Variants in AEBP1 observed in about 807,000 individuals in gnomAD.
The protein encoded by AEBP1 is AE binding protein 1.
A neutral mutation model predicts 116.5 loss-of-function variants in AEBP1; 69 were observed. The observed-to-expected ratio is 0.59, with a 90% confidence interval of 0.49 to 0.72. The LOEUF is 0.72. Among genes scored for constraint, AEBP1 ranks in the 30% least tolerant of loss-of-function variants. The pLI is 0.00. For missense variants in AEBP1, 1,444 were observed against 1,557.5 expected (o/e 0.93, Z 1.23); for synonymous variants, 627 against 627.3 (o/e 1.00, Z 0.01).
rs766779701 is a variant in AEBP1 at position 44,110,278 on chromosome 7, A to T, written c.1332A>T (p.Ile444=). 6.2e-7 allele frequency: 1 copy of T among 1,613,612 alleles called. No homozygotes were observed. Among genetic ancestry groups the T allele is most frequent in the African/African-American group, 1.3e-5 (1 of 74,924 alleles). Reference sequence around the variant, plus strand: ...AGGACGATGCCAGGACCCAGTGGATAGAGGTGGACACCAGGAGGACTACCC... The same window carrying T: ...AGGACGATGCCAGGACCCAGTGGATTGAGGTGGACACCAGGAGGACTACCC... The part of the protein sequence containing the change: ...CAEDDARTQW[I]EVDTRRTTRF... The change falls in exon 11 of 21, where the codon ATA becomes ATT. Residue 444 remains isoleucine (I), a synonymous_variant. Transcript: ENST00000223357.
At position 44,111,433 on chromosome 7, in the gene AEBP1, C is replaced by T. The variant is rs1308831824; in HGVS notation, c.1717-74C>T. On this transcript the variant is annotated intron_variant, in intron 14 of 20. Coordinates refer to ENST00000223357, the MANE Select transcript of AEBP1 (RefSeq NM_001129.5). This position sits in a 1 kb window ranked among gnomAD's most constrained non-coding sequence, Gnocchi z 4.7. ...CCCGTCCCTCGCCATAGAGCAGGCC[C>T]TGGAAGTGGAAGGGGCATGGTCAGC... 9 of 1,508,552 alleles carry T rather than the reference C, an allele frequency of 6.0e-6. No individual in the cohort carries two copies. The South Asian group carries it at 6.6e-5, about 11-fold the overall frequency. The allele number at this position is 1,508,552 out of a possible 1,614,324, so 93.4% of individuals were successfully genotyped here.
chr7:44,112,534 C>A lies in AEBP1; in HGVS notation c.2218-24C>A, dbSNP rs1433982712. The A allele has an allele frequency of 1.9e-6, 3 of 1,551,004 alleles. No homozygotes were observed. In the African/African-American group the frequency reaches 4.1e-5, roughly 21 times the overall value. On this transcript the variant is annotated intron_variant, in intron 17 of 20. Transcript: ENST00000223357. The surrounding 1 kb of genome is among the most constrained non-coding windows in gnomAD (Gnocchi z 6.6). ...ATAGTGGCCGGAGCTGCAGCCCTGGCCTCACACGTGCTGGCCACTCCAGGT... is the reference window on the plus strand; with the variant it reads ...ATAGTGGCCGGAGCTGCAGCCCTGGACTCACACGTGCTGGCCACTCCAGGT...
Position 44,107,905 on chromosome 7 carries a change from C to G in AEBP1, c.836C>G (p.Pro279Arg), listed in dbSNP as rs752164012. Reference sequence around the variant, plus strand: ...CCAGAGCCCCCTGAGGAGAAGGCCCCGGCCCCAGCCCCGGAGGAGAGGATT... The same window carrying G: ...CCAGAGCCCCCTGAGGAGAAGGCCCGGGCCCCAGCCCCGGAGGAGAGGATT... ...VWPEPPEEKAPAPAPEERIEP... is the reference protein window; with the variant it reads ...VWPEPPEEKARAPAPEERIEP... The change falls in exon 5 of 21, where the codon CCG (proline) becomes CGG (arginine). Residue 279 changes from proline to arginine, a missense_variant. Coordinates refer to ENST00000223357, the MANE Select transcript of AEBP1 (RefSeq NM_001129.5). This position sits in a 1 kb window ranked among gnomAD's most constrained non-coding sequence, Gnocchi z 4.3. 3 of 1,593,640 alleles carry G rather than the reference C, an allele frequency of 1.9e-6. No individual in the cohort carries two copies. In the African/African-American group the frequency reaches 4.0e-5, roughly 21 times the overall value.
chr7:44,114,105 CGAGTTTGAGACCCAGTTGGAGCCT>C lies in AEBP1; in HGVS notation c.3337_3360del (p.Thr1119_Glu1126del), dbSNP rs771678578. 7.4e-6 allele frequency: 12 copies of C among 1,613,618 alleles called. No homozygotes were observed. The highest frequency in any genetic ancestry group is 4.5e-5 in the East Asian group (2 of 44,892). On this transcript the variant is annotated inframe_deletion, in exon 21 of 21. Coordinates refer to ENST00000223357, the MANE Select transcript of AEBP1 (RefSeq NM_001129.5). ...CCGAGTTTGGGACCAAGGTGGAGCC[CGAGTTTGAGACCCAGTTGGAGCCT>C]GAGTTTGAGACCCAGCTGGAACCCG...
At chr7:44,110,848 G>T in intron 12 of AEBP1, 39 bp downstream of exon 12, 2 of 1,609,590 alleles carry the variant, frequency 1.2e-6, no homozygotes, top group Non-Finnish European at 1.7e-6. Context: ...TGCTCCCATT[G>T]TCTGGGCGAG....
At position 44,107,714 on chromosome 7, in the gene AEBP1, T is replaced by C; in HGVS notation, c.739+14T>C. The C allele has an allele frequency of 1.2e-6, 2 of 1,613,380 alleles. No homozygotes were observed. Among genetic ancestry groups the C allele is most frequent in the Non-Finnish European group, 1.7e-6 (2 of 1,179,914 alleles). On this transcript the variant is annotated intron_variant, in intron 4 of 20. Coordinates refer to ENST00000223357, the MANE Select transcript of AEBP1 (RefSeq NM_001129.5). The surrounding 1 kb of genome is among the most constrained non-coding windows in gnomAD (Gnocchi z 4.3). ...ACTATGAGGACTGTGAGTAGGGTCC[T>C]GCCAGCCCCACCTGGGTCGGACCCC...
chr7:44,109,926 C>A, intron 9 of AEBP1, 89 bp from the exon 10 acceptor site: 1 of 1,212,432 alleles, frequency 8.2e-7, no homozygotes, highest in Non-Finnish European at 1.2e-6. Flanking sequence ...CCCGATGTGC[C>A]GGGAGTGGGC....
chr7:44,111,245 G>A lies in AEBP1; in HGVS notation c.1716+6G>A. On this transcript the variant is annotated splice_donor_region_variant and intron_variant, in intron 14 of 20. Coordinates refer to ENST00000223357, the MANE Select transcript of AEBP1 (RefSeq NM_001129.5). The surrounding 1 kb of genome is among the most constrained non-coding windows in gnomAD (Gnocchi z 4.7). ...GCTACAAGGACATGCGCCAGGTTGG[G>A]AGCATATATCCTGGGGCTGGGGGTG... is the stretch of plus-strand genomic sequence containing the variant. 3 of 1,512,630 alleles carry A rather than the reference G, an allele frequency of 2.0e-6. No homozygotes were observed. The highest frequency in any genetic ancestry group is 2.7e-6 in the Non-Finnish European group (3 of 1,130,702). 93.7% of individuals were successfully genotyped at this position (1,512,630 alleles called of 1,614,324 possible). A position where few individuals can be genotyped will look rare whatever the true frequency, so the allele number is the denominator to read the frequency against.
rs759504950 is a variant in AEBP1, at chr7:44,107,803, C to T, written c.740-6C>T. 1 of 1,612,210 alleles carries T rather than the reference C, an allele frequency of 6.2e-7. No individual in the cohort carries two copies. Among genetic ancestry groups the T allele is most frequent in the Non-Finnish European group, 8.5e-7 (1 of 1,179,626 alleles). On this transcript the variant is annotated splice_polypyrimidine_tract_variant and splice_region_variant and intron_variant, in intron 4 of 20. Transcript: ENST00000223357. The surrounding 1 kb of genome is among the most constrained non-coding windows in gnomAD (Gnocchi z 4.3). Reference sequence around the variant, plus strand: ...GGGCCCCACTCTGAGCCAGCCTCCCCCTCAGTTGAGTACATTCGGCGCCAG... The same window carrying T: ...GGGCCCCACTCTGAGCCAGCCTCCCTCTCAGTTGAGTACATTCGGCGCCAG...
intron 9 of AEBP1, 139 bp downstream of exon 9, chr7:44,109,480 G>T (rs1315274013): frequency 9.1e-7 from 1 of 1,102,706 alleles, no homozygotes; most frequent in East Asian, 2.6e-5. Context: ...CAGAAGGGAG[G>T]GGCCCCGGGA....
At position 44,111,859 on chromosome 7, in the gene AEBP1, C is replaced by A. The variant is rs778687893; in HGVS notation, c.1846C>A (p.Pro616Thr). The A allele has an allele frequency of 6.2e-7, 1 of 1,612,370 alleles. No individual in the cohort carries two copies. The highest frequency in any genetic ancestry group is 8.5e-7 in the Non-Finnish European group (1 of 1,179,438). The change falls in exon 16 of 21, where the codon CCC (proline) becomes ACC (threonine). Residue 616 changes from proline to threonine, a missense_variant. Pro to Thr is a conservative substitution (Grantham distance 38, BLOSUM62 -1). Coordinates refer to ENST00000223357, the MANE Select transcript of AEBP1 (RefSeq NM_001129.5). This position sits in a 1 kb window ranked among gnomAD's most constrained non-coding sequence, Gnocchi z 4.7. ...TGAGGCTCCCGCCCTTGCAGGGGAG[C>A]CCGAGTTCCGCTACACTGCTGGGAT... is the stretch of plus-strand genomic sequence containing the variant. The part of the protein sequence containing the change: ...DNPGEHELGE[P>T]EFRYTAGIHG...
In AEBP1 at chr7:44,104,405, T is replaced by G; in HGVS notation, c.-261T>G. On this transcript the variant is annotated 5_prime_UTR_variant, in exon 1 of 21. Coordinates refer to ENST00000223357, the MANE Select transcript of AEBP1 (RefSeq NM_001129.5). ...GCGCCACGCGGGGCCGGAGCGCCTA[T>G]TAGCCGCCAGGACCTCGGAGCGCCC... The G allele has an allele frequency of 9.2e-6, 3 of 326,088 alleles. No homozygotes were observed. Among genetic ancestry groups the G allele is most frequent in the African/African-American group, 2.2e-5 (1 of 45,976 alleles). 20.2% of individuals were successfully genotyped at this position (326,088 alleles called of 1,614,324 possible). A position where few individuals can be genotyped will look rare whatever the true frequency, so the allele number is the denominator to read the frequency against.
rs888985325 is a variant in AEBP1 at position 44,108,990 on chromosome 7, A to G, written c.1018+14A>G. 2 of 1,605,590 alleles carry G rather than the reference A, an allele frequency of 1.2e-6. No homozygotes were observed. The highest frequency in any genetic ancestry group is 8.5e-7 in the Non-Finnish European group (1 of 1,176,582). Reference sequence around the variant, plus strand: ...AGGAGGAGCTGAGTGAGTGGGACCAAGGACTTCCCACACCAGGCCTGCCCT... The same window carrying G: ...AGGAGGAGCTGAGTGAGTGGGACCAGGGACTTCCCACACCAGGCCTGCCCT... On this transcript the variant is annotated intron_variant, in intron 7 of 20. Transcript: ENST00000223357. This position sits in a 1 kb window ranked among gnomAD's most constrained non-coding sequence, Gnocchi z 5.0.
At position 44,108,123 on chromosome 7, in the gene AEBP1, AG is replaced by A. The variant is rs1454329008; in HGVS notation, c.940+41del. ...ACCCCAGAGTCTGAGGGACATAGGC[AG>A]GTGGGGGTCGGGGCTGGGGTGTGGT... is the stretch of plus-strand genomic sequence containing the variant. On this transcript the variant is annotated intron_variant, in intron 6 of 20. Coordinates refer to ENST00000223357, the MANE Select transcript of AEBP1 (RefSeq NM_001129.5). The surrounding 1 kb of genome is among the most constrained non-coding windows in gnomAD (Gnocchi z 5.0). 1 of 1,560,564 alleles carries A rather than the reference AG, an allele frequency of 6.4e-7. No homozygotes were observed. The highest frequency in any genetic ancestry group is 1.2e-5 in the South Asian group (1 of 85,222).
Position 44,111,506 on chromosome 7 carries a change from G to A in AEBP1, c.1717-1G>A. 6.3e-7 allele frequency: 1 copy of A among 1,582,856 alleles called. No individual in the cohort carries two copies. The highest frequency in any genetic ancestry group is 1.1e-5 in the South Asian group (1 of 87,416). On this transcript the variant is annotated splice_acceptor_variant, in intron 14 of 20. Transcript: ENST00000223357. LOFTEE classifies it high-confidence loss of function. The surrounding 1 kb of genome is among the most constrained non-coding windows in gnomAD (Gnocchi z 4.7). ...TTCCACGTCCTCCCCCTCTGCCCCA[G>A]CTCATGAAGGTGGTGAACGAGGAGT...
In AEBP1 at chr7:44,110,794, C is replaced by T. The variant is rs746298481; in HGVS notation, c.1470C>T (p.Asn490=). The part of the protein sequence containing the change: ...NDSQTWVMYT[N]GYEEMTFHGN... The stretch of plus-strand genomic sequence containing the variant: ...GCCAGACATGGGTGATGTACACCAA[C>T]GGCTATGAGGAAATGGTGGGCACCA... Residue 490 remains asparagine (N), a synonymous_variant, in exon 12 of 21, where the codon AAC becomes AAT. Coordinates refer to ENST00000223357, the MANE Select transcript of AEBP1 (RefSeq NM_001129.5). 4.5e-5 allele frequency: 70 copies of T among 1,551,640 alleles called. No homozygotes were observed. The highest frequency in any genetic ancestry group is 5.0e-5 in the Non-Finnish European group (57 of 1,148,958).
chr7:44,111,323 C>A lies in AEBP1; in HGVS notation c.1716+84C>A. ...GTGCCTGGTGCTTCTGTCACTGGGC[C>A]CAGTCCCTACTGGTTCCAGGGATGC... is the stretch of plus-strand genomic sequence containing the variant. On this transcript the variant is annotated intron_variant, in intron 14 of 20. Transcript: ENST00000223357. The surrounding 1 kb of genome is among the most constrained non-coding windows in gnomAD (Gnocchi z 4.7). 7.0e-7 allele frequency: 1 copy of A among 1,418,594 alleles called. No individual in the cohort carries two copies. Among genetic ancestry groups the A allele is most frequent in the Non-Finnish European group, 9.4e-7 (1 of 1,067,724 alleles). 87.9% of individuals were successfully genotyped at this position (1,418,594 alleles called of 1,614,324 possible). A position where few individuals can be genotyped will look rare whatever the true frequency, so the allele number is the denominator to read the frequency against.
chr7:44,109,702 G>T (rs925978114), intron 9 of AEBP1: 2 of 563,624 alleles, frequency 3.5e-6, no homozygotes, highest in Admixed American at 6.4e-5. Flanking sequence ...CTGTGGCTGC[G>T]CCCTGGGGGA....
Position 44,112,821 on chromosome 7 carries a change from CG to C in AEBP1, c.2482del (p.Glu828SerfsTer85). On this transcript the variant is annotated frameshift_variant, in exon 18 of 21. Transcript: ENST00000223357. LOFTEE classifies it high-confidence loss of function. This position sits in a 1 kb window ranked among gnomAD's most constrained non-coding sequence, Gnocchi z 6.6. ...SFASAHLTLT[E>X]PYRGGCQAQD... ...TCGCCTCCGCACACCTCACCTTGACCGAGCCCTACCGCGGAGGCTGCCAAGC... is the reference window on the plus strand; with the variant it reads ...TCGCCTCCGCACACCTCACCTTGACCAGCCCTACCGCGGAGGCTGCCAAGC... The C allele has an allele frequency of 6.2e-7, 1 of 1,612,142 alleles. No homozygotes were observed. The highest frequency in any genetic ancestry group is 8.5e-7 in the Non-Finnish European group (1 of 1,179,928).
Sources: allele counts gnomAD v4.1 joint callset, GRCh38; gene constraint gnomAD v4.1.1; non-coding constraint Gnocchi (gnomAD v3.1); transcripts MANE v1.5; gene names NCBI Gene and HGNC (gene_info 2026-07-23, HGNC 2026-07-21).